PTPRD: variants seen among roughly 807,000 people sequenced by gnomAD.
PTPRD encodes the protein protein tyrosine phosphatase receptor type D.
Under a neutral mutation model 214.5 loss-of-function variants are expected in PTPRD, and 34 were observed. The ratio of observed to expected loss-of-function variants is 0.16; its 90% CI spans 0.12 to 0.21. The LOEUF is 0.21. PTPRD is among the 10% of genes least tolerant of loss of function. The probability of loss-of-function intolerance (pLI) is 1.00; values close to 1 mark genes in which losing one functional copy is unlikely to be tolerated. For missense variants in PTPRD, 2,545 were observed against 2,398.7 expected (o/e 1.06, Z -1.27); for synonymous variants, 1,128 against 845.7 (o/e 1.33, Z -5.79).
intron 9 of PTPRD, among the ~76,000 whole-genome samples, chr9:9,285,803 C>A (rs1949154068): frequency 6.6e-6 from 1 of 151,756 alleles, no homozygotes; most frequent in African/African-American, 2.4e-5. Flanking sequence ...GATGCATAAT[C>A]TCATCTGCTT....
At chr9:8,384,000 G>A (rs540749084) in intron 37 of PTPRD, among the ~76,000 whole-genome samples, 5 of 152,302 alleles carry the variant, frequency 3.3e-5, no homozygotes, top group Non-Finnish European at 1.5e-5. Context: ...GGGAGACAGA[G>A]TAGGAGAGAA....
chr9:9,483,692 G>A (rs1243663243), intron 8 of PTPRD, among the ~76,000 whole-genome samples: 4 of 151,896 alleles, frequency 2.6e-5, no homozygotes, highest in African/African-American at 9.7e-5. Context: ...ACATAGAGGA[G>A]GCTCTGGATG....
At chr9:9,268,187 C>T (rs545692226) in intron 9 of PTPRD, among the ~76,000 whole-genome samples, 16 of 150,792 alleles carry the variant, frequency 1.1e-4, no homozygotes, top group Admixed American at 6.6e-5. Context: ...AAAATCAGCA[C>T]GAAAAAGTCA....
Position 10,556,838 on chromosome 9 carries a change from T to C in PTPRD, c.-600+55560A>G, listed in dbSNP as rs60234108. ...ACAGTAAAAATACTTCAACTAATTT[T>C]AAGCAACAGATAGTGATTTGCTATC... On this transcript the variant is annotated intron_variant, in intron 2 of 45. Transcript: ENST00000381196. Among the ~76,000 whole-genome samples the C allele has an allele frequency of 6.6e-3, 1,001 of 152,200 alleles. 18 individuals are homozygous for C. The highest frequency in any genetic ancestry group is 0.023 in the African/African-American group (945 of 41,532).
chr9:8,826,400 C>G (rs1294323105), intron 11 of PTPRD, among the ~76,000 whole-genome samples: 1 of 152,162 alleles, frequency 6.6e-6, no homozygotes, highest in South Asian at 2.1e-4. Context: ...TACCAAAGCC[C>G]TGAGCCATCA....
At chr9:9,100,532 T>C (rs2099789816) in intron 10 of PTPRD, among the ~76,000 whole-genome samples, 1 of 152,174 alleles carries the variant, frequency 6.6e-6, no homozygotes, top group Admixed American at 6.5e-5. Flanking sequence ...GTTGGTATGA[T>C]CAGGTAGACA....
intron 8 of PTPRD, among the ~76,000 whole-genome samples, chr9:9,463,979 T>C (rs1365514416): frequency 6.6e-6 from 1 of 152,164 alleles, no homozygotes; most frequent in Non-Finnish European, 1.5e-5. Context: ...GCTACCTGCT[T>C]CTTGTTAACT....
chr9:9,480,613 A>G (rs1430678492), intron 8 of PTPRD, among the ~76,000 whole-genome samples: 3 of 152,116 alleles, frequency 2.0e-5, no homozygotes, highest in Admixed American at 6.6e-5. Flanking sequence ...ATTTCCTGCT[A>G]TTGCTCCAGG....
chr9:8,434,314 C>T (rs556991067), intron 35 of PTPRD, among the ~76,000 whole-genome samples: 2 of 152,246 alleles, frequency 1.3e-5, no homozygotes, highest in South Asian at 2.1e-4. Context: ...TTTACCTTAC[C>T]TTTTCTTTGT....
At chr9:8,430,263 T>C (rs911792978) in intron 35 of PTPRD, among the ~76,000 whole-genome samples, 1 of 151,194 alleles carries the variant, frequency 6.6e-6, no homozygotes, top group Non-Finnish European at 1.5e-5. Context: ...CCATTAATTT[T>C]TTTTATTTTT....
At chr9:9,493,715 G>C (rs2096029943) in intron 8 of PTPRD, among the ~76,000 whole-genome samples, 1 of 146,964 alleles carries the variant, frequency 6.8e-6, no homozygotes, top group African/African-American at 2.5e-5. Flanking sequence ...GTGAACCCAG[G>C]AGGCAGAGCT....
intron 3 of PTPRD, among the ~76,000 whole-genome samples, chr9:10,256,899 C>T (rs184408448): frequency 5.3e-5 from 8 of 152,332 alleles, no homozygotes; most frequent in African/African-American, 1.9e-4. Flanking sequence ...GTTGGTTCTT[C>T]ACATCTTAGT....
chr9:10,485,678 A>C (rs981622267), intron 2 of PTPRD, among the ~76,000 whole-genome samples: 1 of 152,054 alleles, frequency 6.6e-6, no homozygotes, highest in Non-Finnish European at 1.5e-5. Flanking sequence ...TGGCATATAG[A>C]AATACTGCTG....
At chr9:8,665,629 CACTT>C (rs1359395218) in intron 12 of PTPRD, among the ~76,000 whole-genome samples, 1 of 152,148 alleles carries the variant, frequency 6.6e-6, no homozygotes, top group Non-Finnish European at 1.5e-5. Flanking sequence ...TACCTGTATA[CACTT>C]ACTGCCAAAT....
chr9:10,417,112 G>A (rs865782746), intron 2 of PTPRD, among the ~76,000 whole-genome samples: 11 of 151,748 alleles, frequency 7.2e-5, no homozygotes, highest in Admixed American at 7.2e-4. Context: ...CTCTCACTCC[G>A]TTCATTTAAG....
chr9:10,585,687 G>C (rs2073659761), intron 2 of PTPRD, among the ~76,000 whole-genome samples: 1 of 144,960 alleles, frequency 6.9e-6, no homozygotes, highest in African/African-American at 2.6e-5. Context: ...AATCAAAGGA[G>C]CATTAGAGAA....
chr9:8,807,355 G>C (rs569120428), intron 11 of PTPRD, among the ~76,000 whole-genome samples: 4 of 152,128 alleles, frequency 2.6e-5, no homozygotes, highest in African/African-American at 9.6e-5. Flanking sequence ...CAACAACAAA[G>C]TTAGAAGTAA....
chr9:8,642,859 C>A (rs1272423585), intron 12 of PTPRD, among the ~76,000 whole-genome samples: 1 of 152,158 alleles, frequency 6.6e-6, no homozygotes, highest in Non-Finnish European at 1.5e-5. Flanking sequence ...AGACAACCTG[C>A]CCAAGTCAAC....
intron 2 of PTPRD, among the ~76,000 whole-genome samples, chr9:10,341,242 A>G (rs2096933627): frequency 6.6e-6 from 1 of 151,954 alleles, no homozygotes. Flanking sequence ...ACACTTAATC[A>G]GTTACTAAGG....
Sources: gnomAD v4.1 joint callset for allele counts (sites outside exome capture counted in the v4.1 genomes callset) on GRCh38, gnomAD v4.1.1 for gene constraint, MANE v1.5 for transcripts, NCBI Gene and HGNC (gene_info 2026-07-23, HGNC 2026-07-21) for gene names.